Variants in JAKMIP2 observed in about 807,000 individuals in gnomAD.
JAKMIP2 encodes janus kinase and microtubule interacting protein 2.
Under a neutral mutation model 115.0 loss-of-function variants are expected in JAKMIP2, and 25 were observed. That is an observed-to-expected ratio of 0.22 (90% confidence interval 0.16 to 0.30). The LOEUF (loss-of-function observed/expected upper bound fraction) is 0.30, where lower values mean the gene tolerates loss of function less well. Ranked by LOEUF, JAKMIP2 falls within the 10% of genes least tolerant of loss-of-function variation. The pLI is 1.00. For synonymous variants in JAKMIP2, 334 were observed against 343.6 expected, an observed-to-expected ratio of 0.97 and a Z score of 0.31; for missense variants, 642 against 957.6, an observed-to-expected ratio of 0.67 and a Z score of 4.35.
intron 1 of JAKMIP2, among the ~76,000 whole-genome samples, chr5:147,681,742 T>C (rs1222918215): frequency 6.6e-6 from 1 of 151,804 alleles, no homozygotes; most frequent in Non-Finnish European, 1.5e-5. Context: ...AAAGATTCCT[T>C]AGGAAAAGTG....
chr5:147,714,848 TA>T (rs1264466370), intron 1 of JAKMIP2, among the ~76,000 whole-genome samples: 5 of 152,084 alleles, frequency 3.3e-5, no homozygotes, highest in African/African-American at 1.2e-4. Flanking sequence ...AGAATGAAGG[TA>T]AAACAAAGAT....
At chr5:147,758,616 T>A (rs1385088781) in intron 1 of JAKMIP2, among the ~76,000 whole-genome samples, 1 of 152,080 alleles carries the variant, frequency 6.6e-6, no homozygotes. Flanking sequence ...TATAAAAGTG[T>A]TTTGTTTTGT....
chr5:147,650,489 G>T lies in JAKMIP2; in HGVS notation c.686C>A (p.Thr229Asn). The T allele has an allele frequency of 6.2e-7, 1 of 1,613,832 alleles. No individual in the cohort carries two copies. Among genetic ancestry groups the T allele is most frequent in the South Asian group, 1.1e-5 (1 of 91,072 alleles). The change falls in exon 4 of 22, where the codon ACC becomes AAC. Residue 229 changes from threonine (T) to asparagine (N), a missense_variant. By Grantham distance (65) the Thr-to-Asn change is moderately conservative (BLOSUM62 0). Transcript: ENST00000616793. Reference protein sequence around the residue: ...IIFSLEKELETQTGYVQKLQL... With the variant: ...IIFSLEKELENQTGYVQKLQL... ...GAGTTTCTGTACATAGCCTGTCTGG[G>T]TCTCCAGTTCCTTTTCCAGGGAAAA...
intron 21 of JAKMIP2, among the ~76,000 whole-genome samples, chr5:147,594,663 GTGGCT>G (rs1306775947): frequency 6.6e-6 from 1 of 152,090 alleles, no homozygotes; most frequent in East Asian, 1.9e-4. Flanking sequence ...GTACGGTGAT[GTGGCT>G]TCTGACTTGT....
intron 1 of JAKMIP2, among the ~76,000 whole-genome samples, chr5:147,702,074 A>T (rs1479794947): frequency 1.3e-5 from 2 of 152,194 alleles, no homozygotes; most frequent in Non-Finnish European, 2.9e-5. Context: ...CTGACACAAA[A>T]GTCGAAACAT....
At chr5:147,639,376 A>C (rs569357693) in intron 10 of JAKMIP2, among the ~76,000 whole-genome samples, 1 of 152,358 alleles carries the variant, frequency 6.6e-6, no homozygotes, top group African/African-American at 2.4e-5. Flanking sequence ...TCTAGCTTTG[A>C]AAATGTATGT....
In JAKMIP2 at chr5:147,601,826, GA is replaced by G; in HGVS notation, c.2413-16del. 1.7e-6 allele frequency: 2 copies of G among 1,166,430 alleles called. No homozygotes were observed. The highest frequency in any genetic ancestry group is 2.5e-6 in the Non-Finnish European group (2 of 809,220). The allele number at this position is 1,166,430 out of a possible 1,614,324, so 72.3% of individuals were successfully genotyped here. On this transcript the variant is annotated splice_polypyrimidine_tract_variant and intron_variant, in intron 20 of 21. Coordinates refer to ENST00000616793, the MANE Select transcript of JAKMIP2 (RefSeq NM_001270941.2). ...AGAAACAGAAACTGCAGAAGAAAAA[GA>G]AGAAGATTATGTAAATCTGAATTTC...
chr5:147,715,088 G>A (rs1468863703), intron 1 of JAKMIP2, among the ~76,000 whole-genome samples: 1 of 151,874 alleles, frequency 6.6e-6, no homozygotes, highest in Non-Finnish European at 1.5e-5. Flanking sequence ...ATAAATGTAT[G>A]TATTACAATT....
At chr5:147,609,748 C>T (rs956468000) in intron 20 of JAKMIP2, among the ~76,000 whole-genome samples, 12 of 152,114 alleles carry the variant, frequency 7.9e-5, no homozygotes, top group African/African-American at 1.7e-4. Flanking sequence ...GGAAGTTCTC[C>T]CGGATAATTT....
At chr5:147,623,566 T>G in intron 17 of JAKMIP2, 55 bp downstream of exon 17, 1 of 1,181,190 alleles carries the variant, frequency 8.5e-7, no homozygotes, top group Non-Finnish European at 1.3e-6. Flanking sequence ...ACTTTAATTT[T>G]CCATTTGCCT....
chr5:147,633,531 G>T (rs904494763), intron 12 of JAKMIP2, among the ~76,000 whole-genome samples: 1 of 152,106 alleles, frequency 6.6e-6, no homozygotes, highest in African/African-American at 2.4e-5. Flanking sequence ...GTCCATAAGA[G>T]CCTTCCCTAG....
At chr5:147,737,379 A>C (rs1036992023) in intron 1 of JAKMIP2, among the ~76,000 whole-genome samples, 1 of 152,206 alleles carries the variant, frequency 6.6e-6, no homozygotes, top group Non-Finnish European at 1.5e-5. Context: ...TTACTAATAA[A>C]TAGCACTGAG....
chr5:147,593,001 G>A (rs1755173052), intron 21 of JAKMIP2, among the ~76,000 whole-genome samples: 1 of 152,200 alleles, frequency 6.6e-6, no homozygotes, highest in Non-Finnish European at 1.5e-5. Context: ...CTGAGGGAAT[G>A]AGGAGGAGGT....
chr5:147,622,654 T>C (rs926572426), intron 17 of JAKMIP2, among the ~76,000 whole-genome samples: 6 of 152,346 alleles, frequency 3.9e-5, no homozygotes, highest in Admixed American at 2.6e-4. Context: ...TGTTCATCCA[T>C]TGATGGACAT....
At chr5:147,678,248 C>T (rs1029101500) in intron 1 of JAKMIP2, among the ~76,000 whole-genome samples, 5 of 152,172 alleles carry the variant, frequency 3.3e-5, no homozygotes, top group African/African-American at 1.2e-4. Flanking sequence ...ATGAACTGCC[C>T]ACCTCAGCCT....
intron 1 of JAKMIP2, among the ~76,000 whole-genome samples, chr5:147,700,858 T>A (rs1313775929): frequency 6.6e-6 from 1 of 152,202 alleles, no homozygotes; most frequent in Non-Finnish European, 1.5e-5. Context: ...TCTGGCTTTT[T>A]AAATTGTTTT....
chr5:147,657,236 C>T (rs57736186), intron 3 of JAKMIP2, among the ~76,000 whole-genome samples: 3,669 of 152,254 alleles, frequency 0.024, 171 homozygotes, highest in African/African-American at 0.083. Flanking sequence ...GCCGAGATCG[C>T]GCCACTGCAC....
intron 1 of JAKMIP2, among the ~76,000 whole-genome samples, chr5:147,692,749 C>T (rs568588568): frequency 1.4e-4 from 21 of 152,224 alleles, no homozygotes; most frequent in South Asian, 8.3e-4. Flanking sequence ...CATGCGGAAA[C>T]GGTCCATTTG....
intron 1 of JAKMIP2, among the ~76,000 whole-genome samples, chr5:147,673,934 AC>A (rs1759776905): frequency 6.6e-6 from 1 of 152,072 alleles, no homozygotes; most frequent in Non-Finnish European, 1.5e-5. Context: ...CGTAGTTATG[AC>A]CCACAGTTCT....
Sources: gnomAD v4.1 joint callset for allele counts (sites outside exome capture counted in the v4.1 genomes callset) on GRCh38, gnomAD v4.1.1 for gene constraint, MANE v1.5 for transcripts, NCBI Gene and HGNC (gene_info 2026-07-23, HGNC 2026-07-21) for gene names.